The following DDX24 variants were observed in gnomAD, a reference collection of about 807,000 sequenced individuals.
The protein encoded by DDX24 is ATP-dependent RNA helicase DDX24.
A neutral mutation model predicts 68.9 loss-of-function variants in DDX24; 24 were observed. The observed-to-expected ratio is 0.35, with a 90% confidence interval of 0.25 to 0.49. DDX24 has a LOEUF of 0.49. Among genes scored for constraint, DDX24 ranks in the 20% least tolerant of loss-of-function variants. The pLI is 0.99. For synonymous variants in DDX24, 395 were observed against 385.2 expected (o/e 1.03, Z -0.30); for missense variants, 989 against 1,039.0 (o/e 0.95, Z 0.66).
intron 2 of DDX24, among the ~76,000 whole-genome samples, chr14:94,070,432 T>C (rs566337544): frequency 1.3e-5 from 2 of 152,308 alleles, no homozygotes; most frequent in East Asian, 3.9e-4. Context: ...AAATGACTGT[T>C]GCCAAAAGCA....
In DDX24 at chr14:94,073,419, T is replaced by G. The variant is rs146160429; in HGVS notation, c.718+5606A>C. 5.7e-3 allele frequency among the ~76,000 whole-genome samples: 870 copies of G among 152,282 alleles called. 5 individuals carry two copies. Among genetic ancestry groups the G allele is most frequent in the African/African-American group, 0.019 (810 of 41,550 alleles). Reference sequence around the variant, plus strand: ...CAACTCAAAGACACGAACTGTCTGATTAAACAGCAAGACCCATTTATATGC... The same window carrying G: ...CAACTCAAAGACACGAACTGTCTGAGTAAACAGCAAGACCCATTTATATGC... On this transcript the variant is annotated intron_variant, in intron 2 of 8. Coordinates refer to ENST00000621632, the MANE Select transcript of DDX24 (RefSeq NM_020414.4).
At chr14:94,058,146 G>A (rs1885524662) in intron 5 of DDX24, among the ~76,000 whole-genome samples, 2 of 151,964 alleles carry the variant, frequency 1.3e-5, no homozygotes, top group South Asian at 4.2e-4. Context: ...GCCATACTCT[G>A]CAATGATAAA....
intron 6 of DDX24, 174 bp from the exon 7 acceptor site, chr14:94,055,358 C>T (rs891784143): frequency 1.1e-5 from 7 of 662,296 alleles, no homozygotes; most frequent in Non-Finnish European, 1.8e-5. Flanking sequence ...TCAAAATGTT[C>T]CCAGGTTTAG....
intron 2 of DDX24, among the ~76,000 whole-genome samples, chr14:94,072,321 G>A (rs1426592812): frequency 6.6e-6 from 1 of 152,202 alleles, no homozygotes; most frequent in African/African-American, 2.4e-5. Context: ...TGAGACTGGA[G>A]ACTATTATTC....
Position 94,062,624 on chromosome 14 carries a change from T to TA in DDX24, c.719-4dup. The TA allele has an allele frequency of 6.3e-7, 1 of 1,577,642 alleles. No homozygotes were observed. Among genetic ancestry groups the TA allele is most frequent in the Non-Finnish European group, 8.6e-7 (1 of 1,164,972 alleles). On this transcript the variant is annotated splice_polypyrimidine_tract_variant and splice_region_variant and intron_variant, in intron 2 of 8. Transcript: ENST00000621632. The stretch of plus-strand genomic sequence containing the variant: ...AAAGGCAAGAGTTTTCCCACTTCCT[T>TA]AAAAGTAAAAAAACAAAACAAAGTA...
chr14:94,067,979 A>G (rs772155727), intron 2 of DDX24, among the ~76,000 whole-genome samples: 1 of 152,198 alleles, frequency 6.6e-6, no homozygotes, highest in Non-Finnish European at 1.5e-5. Flanking sequence ...GGCAACAAAG[A>G]GCATGAGGAA....
intron 5 of DDX24, among the ~76,000 whole-genome samples, chr14:94,059,564 T>C (rs1309647797): frequency 1.3e-5 from 2 of 152,248 alleles, no homozygotes; most frequent in South Asian, 2.1e-4. Context: ...TGCTAGAGAC[T>C]GTTCTAAACA....
intron 2 of DDX24, among the ~76,000 whole-genome samples, chr14:94,075,132 T>C (rs144466108): frequency 0.011 from 1,603 of 152,340 alleles, 14 homozygotes; most frequent in Non-Finnish European, 0.016. Flanking sequence ...CAGCTTACTT[T>C]TTTTGTAGAA....
chr14:94,051,708 T>A (rs1885391565), intron 8 of DDX24: 1 of 414,550 alleles, frequency 2.4e-6, no homozygotes, highest in African/African-American at 2.0e-5. Flanking sequence ...AGACTGGAAT[T>A]ATCTTTACAG....
At position 94,079,275 on chromosome 14, in the gene DDX24, TTTC is replaced by T; in HGVS notation, c.465_467del (p.Lys156del). ...GCTCCAACCCTTTTTTCCCTTTATT[TTTC>T]TTCTTTTTTGGAGCAGTTTGGACCA... On this transcript the variant is annotated inframe_deletion, in exon 2 of 9. Coordinates refer to ENST00000621632, the MANE Select transcript of DDX24 (RefSeq NM_020414.4). 1.2e-6 allele frequency: 2 copies of T among 1,614,112 alleles called. No individual in the cohort carries two copies. The highest frequency in any genetic ancestry group is 8.5e-7 in the Non-Finnish European group (1 of 1,180,030).
rs1415714654 is a variant in DDX24 at position 94,079,696 on chromosome 14, C to T, written c.47G>A (p.Gly16Asp). 2.5e-6 allele frequency: 4 copies of T among 1,614,004 alleles called. No homozygotes were observed. In the African/African-American group the frequency reaches 4.0e-5, roughly 16 times the overall value. ...TKSRPKQSSCGKFQTKGIKVV... is the reference protein window; with the variant it reads ...TKSRPKQSSCDKFQTKGIKVV... ...TTTGATTCCCTTTGTCTGAAATTTG[C>T]CACAGCTTGACTGCTTTGGCCTTGA... The change falls in exon 2 of 9, where the codon GGC (glycine) becomes GAC (aspartate). Residue 16 changes from glycine to aspartate, a missense_variant. Physicochemically the swap from Gly to Asp is moderately conservative, Grantham distance 94 (BLOSUM62 -1). This residue lies in a region of DDX24 where 295 missense variants were observed against 263.0 expected (regional missense o/e 1.12). Transcript: ENST00000621632.
intron 8 of DDX24, chr14:94,051,771 C>G (rs1885392729): frequency 1.3e-5 from 4 of 302,308 alleles, no homozygotes; most frequent in Non-Finnish European, 1.8e-5. Context: ...CAGAGCCAGT[C>G]ATCAGACAGA....
chr14:94,052,575 C>T (rs141538695), intron 8 of DDX24, among the ~76,000 whole-genome samples: 1 of 152,204 alleles, frequency 6.6e-6, no homozygotes, highest in African/African-American at 2.4e-5. Flanking sequence ...AAGCACTTAA[C>T]ATTTTTTAAC....
rs369246793 is a variant in DDX24 at position 94,055,173 on chromosome 14, G to C, written c.2001C>G (p.Thr667=). ...CACTTCGGTGGACATAAATCTCCGA[G>C]GTACGTGGGACCTGCCACAGGAAGA... ...QHVIHYQVPR[T]SEIYVHRSGR... is the part of the protein sequence containing the mutation. Residue 667 remains threonine, a synonymous_variant, in exon 7 of 9, where the codon ACC becomes ACG. Transcript: ENST00000621632. 6.2e-7 allele frequency: 1 copy of C among 1,613,100 alleles called. No individual in the cohort carries two copies. The highest frequency in any genetic ancestry group is 8.5e-7 in the Non-Finnish European group (1 of 1,179,250).
chr14:94,077,485 C>G (rs1885967116), intron 2 of DDX24, among the ~76,000 whole-genome samples: 2 of 152,242 alleles, frequency 1.3e-5, no homozygotes, highest in Admixed American at 6.5e-5. Flanking sequence ...CAGAACTAGC[C>G]TGGAATCCAT....
rs370254913 is a variant in DDX24, at chr14:94,079,485, C to T, written c.258G>A (p.Glu86=). ...GTGAGCTAGACTTTCCCTCCTCCTC[C>T]TCCTCTTCTTCTGAAACAGCTTGTG... The part of the protein sequence containing the change: ...RKAQAVSEEE[E]EEEGKSSSPK... The change falls in exon 2 of 9, where the codon GAG becomes GAA. Residue 86 remains glutamate, a synonymous_variant. Coordinates refer to ENST00000621632, the MANE Select transcript of DDX24 (RefSeq NM_020414.4). 33 of 1,613,920 alleles carry T rather than the reference C, an allele frequency of 2.0e-5. No homozygotes were observed. Among genetic ancestry groups the T allele is most frequent in the Non-Finnish European group, 2.7e-5 (32 of 1,180,048 alleles).
In DDX24 at chr14:94,051,479, A is replaced by C. The variant is rs746422708; in HGVS notation, c.2309-17T>G. The C allele has an allele frequency of 6.6e-7, 1 of 1,517,568 alleles. No individual in the cohort carries two copies. The highest frequency in any genetic ancestry group is 8.8e-7 in the Non-Finnish European group (1 of 1,135,876). The allele number at this position is 1,517,568 out of a possible 1,614,324, so 94.0% of individuals were successfully genotyped here. Reference sequence around the variant, plus strand: ...CTTTTCCTCCTTGAAACACAATACAAAAACGATCCTATTTACTATGGTTTG... The same window carrying C: ...CTTTTCCTCCTTGAAACACAATACACAAACGATCCTATTTACTATGGTTTG... On this transcript the variant is annotated splice_polypyrimidine_tract_variant and intron_variant, in intron 8 of 8. Transcript: ENST00000621632.
At chr14:94,078,991 G>C (rs1403118084) in intron 2 of DDX24, 34 bp downstream of exon 2, 2 of 1,585,934 alleles carry the variant, frequency 1.3e-6, no homozygotes, top group Non-Finnish European at 1.7e-6. Context: ...GCTCAATCCA[G>C]AAGCAATCCT....
rs757085654 is a variant in DDX24 at position 94,062,415 on chromosome 14, G to C, written c.925C>G (p.Leu309Val). Reference sequence around the variant, plus strand: ...GCCTCGGCTGCAATATCACTGGGCAGTGCTTCACTCTCAATTACAGTATCG... The same window carrying C: ...GCCTCGGCTGCAATATCACTGGGCACTGCTTCACTCTCAATTACAGTATCG... ...PDDTVIESEA[L>V]PSDIAAEARA... is the part of the protein sequence containing the mutation. Residue 309 changes from leucine to valine, a missense_variant, in exon 3 of 9, where the codon CTG becomes GTG. Physicochemically the swap from Leu to Val is conservative, Grantham distance 32. Around this residue, in one of 3 missense-constraint regions of DDX24, gnomAD observed 691 missense variants for 760.0 expected, o/e 0.91. Coordinates refer to ENST00000621632, the MANE Select transcript of DDX24 (RefSeq NM_020414.4). 2 of 1,614,180 alleles carry C rather than the reference G, an allele frequency of 1.2e-6. No homozygotes were observed. The highest frequency in any genetic ancestry group is 3.3e-5 in the Admixed American group (2 of 60,024).
Sources: allele counts gnomAD v4.1 joint callset (sites outside exome capture counted in the v4.1 genomes callset), GRCh38; gene constraint gnomAD v4.1.1; regional missense constraint gnomAD v4.1.1; transcripts MANE v1.5; gene names NCBI Gene and HGNC (gene_info 2026-07-23, HGNC 2026-07-21).